The following BIRC6 variants were observed in gnomAD, a reference collection of about 807,000 sequenced individuals.
The protein encoded by BIRC6 is baculoviral IAP repeat containing 6.
BIRC6 carries 98 observed loss-of-function variants against 503.3 expected under a neutral mutation model. The ratio of observed to expected loss-of-function variants is 0.19; its 90% CI spans 0.17 to 0.23. The LOEUF (loss-of-function observed/expected upper bound fraction) is 0.23. BIRC6 is among the 10% of genes least tolerant of loss of function. The pLI, the probability that BIRC6 is intolerant of heterozygous loss-of-function variation, is 1.00. For missense variants in BIRC6, 5,360 were observed against 5,806.0 expected (o/e 0.92, Z 2.50); for synonymous variants, 2,240 against 2,078.7 (o/e 1.08, Z -2.11).
intron 26 of BIRC6, among the ~76,000 whole-genome samples, chr2:32,467,096 G>T (rs546078765): frequency 1.1e-4 from 17 of 150,494 alleles, no homozygotes; most frequent in African/African-American, 3.4e-4. Context: ...TCCAGCCTGG[G>T]CGACAGATCG....
chr2:32,547,839 G>A lies in BIRC6; in HGVS notation c.12811-11G>A, dbSNP rs2058158783. Reference sequence around the variant, plus strand: ...AAATTGTAATGGATTTTCATTTTTTGTTATTTTAAGCCACAGGTGTCAAGC... The same window carrying A: ...AAATTGTAATGGATTTTCATTTTTTATTATTTTAAGCCACAGGTGTCAAGC... On this transcript the variant is annotated splice_polypyrimidine_tract_variant and intron_variant, in intron 63 of 73. Transcript: ENST00000421745. The A allele has an allele frequency of 6.5e-7, 1 of 1,531,312 alleles. No individual in the cohort carries two copies. The highest frequency in any genetic ancestry group is 8.8e-7 in the Non-Finnish European group (1 of 1,141,516). 94.9% of individuals were successfully genotyped at this position (1,531,312 alleles called of 1,614,324 possible). A position where few individuals can be genotyped will look rare whatever the true frequency, so the allele number is the denominator to read the frequency against.
intron 65 of BIRC6, among the ~76,000 whole-genome samples, chr2:32,570,302 A>T (rs757796787): frequency 9.2e-5 from 14 of 151,758 alleles, no homozygotes; most frequent in Non-Finnish European, 1.5e-4. Flanking sequence ...TTTATTTTTT[A>T]AAAGTTATTT....
chr2:32,561,392 A>T (rs2059175205), intron 65 of BIRC6, among the ~76,000 whole-genome samples: 1 of 151,870 alleles, frequency 6.6e-6, no homozygotes, highest in Admixed American at 6.6e-5. Context: ...CAGGCGTGTC[A>T]GCACGCCTGG....
chr2:32,538,716 A>G (rs2057429265), intron 61 of BIRC6, among the ~76,000 whole-genome samples: 1 of 152,232 alleles, frequency 6.6e-6, no homozygotes, highest in Non-Finnish European at 1.5e-5. Context: ...AGATCACCTG[A>G]GCTCAGGAGT....
chr2:32,444,041 T>G (rs2045709711), intron 20 of BIRC6, among the ~76,000 whole-genome samples: 1 of 151,966 alleles, frequency 6.6e-6, no homozygotes, highest in Non-Finnish European at 1.5e-5. Context: ...GTTTTTTTTT[T>G]TTTTTTTTAA....
chr2:32,469,990 A>C lies in BIRC6; in HGVS notation c.6348-178A>C, dbSNP rs187804034. The stretch of plus-strand genomic sequence containing the variant: ...AATGTAACCAGTAGTTAGAAAAAAA[A>C]CTAATTTTAGCTTCATACCTCCAGA... On this transcript the variant is annotated intron_variant, in intron 30 of 73. Coordinates refer to ENST00000421745, the MANE Select transcript of BIRC6 (RefSeq NM_016252.4). Among the ~76,000 whole-genome samples, 5 of 152,324 alleles carry C rather than the reference A, an allele frequency of 3.3e-5. No individual in the cohort carries two copies. The East Asian group carries it at 7.7e-4, about 23-fold the overall frequency.
intron 73 of BIRC6, among the ~76,000 whole-genome samples, chr2:32,617,388 G>A (rs527507980): frequency 6.6e-6 from 1 of 152,202 alleles, no homozygotes; most frequent in Non-Finnish European, 1.5e-5. Flanking sequence ...GCAACAGAGC[G>A]AGACTCCGTC....
intron 8 of BIRC6, among the ~76,000 whole-genome samples, chr2:32,405,608 A>G (rs2041116209): frequency 6.6e-6 from 1 of 152,152 alleles, no homozygotes; most frequent in Non-Finnish European, 1.5e-5. Context: ...AGATAGAGAC[A>G]AGACTTTGTC....
chr2:32,465,248 G>C, intron 26 of BIRC6, 84 bp downstream of exon 26: 1 of 385,412 alleles, frequency 2.6e-6, no homozygotes, highest in Non-Finnish European at 4.1e-6. Context: ...TCTTCAGTTC[G>C]ATTTTTTTTT....
intron 66 of BIRC6, among the ~76,000 whole-genome samples, chr2:32,580,749 A>G (rs750677786): frequency 8.5e-5 from 13 of 152,162 alleles, no homozygotes; most frequent in Non-Finnish European, 1.8e-4. Flanking sequence ...AGAGCTGTAT[A>G]TGTCTTCTCC....
At chr2:32,508,693 A>G (rs1349592577) in intron 51 of BIRC6, among the ~76,000 whole-genome samples, 5 of 152,172 alleles carry the variant, frequency 3.3e-5, no homozygotes, top group African/African-American at 1.2e-4. Context: ...AACCAAACTA[A>G]CAAGGACCCA....
intron 50 of BIRC6, 38 bp downstream of exon 50, chr2:32,505,243 G>A (rs1388318955): frequency 1.4e-6 from 2 of 1,459,912 alleles, no homozygotes; most frequent in South Asian, 1.2e-5. Flanking sequence ...ATGAGAACAA[G>A]CTTTAATTTA....
intron 53 of BIRC6, among the ~76,000 whole-genome samples, chr2:32,510,886 G>A (rs1397139626): frequency 6.6e-6 from 1 of 152,076 alleles, no homozygotes; most frequent in East Asian, 1.9e-4. Context: ...CTGCTTTTGA[G>A]GAATGGAATA....
intron 61 of BIRC6, among the ~76,000 whole-genome samples, chr2:32,536,938 G>A (rs1324102419): frequency 2.0e-5 from 3 of 151,860 alleles, no homozygotes; most frequent in Admixed American, 6.6e-5. Context: ...TTATTTCATC[G>A]AGCAGTGATT....
chr2:32,547,724 A>AT, intron 63 of BIRC6, 126 bp from the exon 64 acceptor site: 2 of 826,024 alleles, frequency 2.4e-6, no homozygotes, highest in Non-Finnish European at 3.6e-6. Flanking sequence ...TCTGTGTTCA[A>AT]TTTTTTTGAG....
chr2:32,525,925 A>G (rs996145355), intron 59 of BIRC6, among the ~76,000 whole-genome samples: 3 of 152,168 alleles, frequency 2.0e-5, no homozygotes, highest in Non-Finnish European at 4.4e-5. Flanking sequence ...AGTTCATGAC[A>G]AGTTATTTAG....
At chr2:32,399,366 G>A (rs1376048795) in intron 6 of BIRC6, among the ~76,000 whole-genome samples, 2 of 152,212 alleles carry the variant, frequency 1.3e-5, no homozygotes, top group African/African-American at 2.4e-5. Context: ...GATTACAGGC[G>A]TGAGCCACCA....
intron 6 of BIRC6, among the ~76,000 whole-genome samples, chr2:32,400,741 A>G (rs528130691): frequency 3.3e-5 from 5 of 152,200 alleles, no homozygotes; most frequent in South Asian, 2.1e-4. Context: ...TTTCAGCTGT[A>G]TATCATTTAT....
intron 66 of BIRC6, among the ~76,000 whole-genome samples, chr2:32,579,992 C>A (rs1359451484): frequency 3.4e-5 from 5 of 147,872 alleles, no homozygotes; most frequent in Middle Eastern, 3.2e-3. Context: ...CTCGCTCTCT[C>A]GGCCAGGCTG....
Sources: allele counts gnomAD v4.1 joint callset (sites outside exome capture counted in the v4.1 genomes callset), GRCh38; gene constraint gnomAD v4.1.1; transcripts MANE v1.5; gene names NCBI Gene and HGNC (gene_info 2026-07-23, HGNC 2026-07-21).